JPH3: variants seen among roughly 807,000 people sequenced by gnomAD.
JPH3 encodes the protein junctophilin-3.
JPH3 carries 11 observed loss-of-function variants against 59.6 expected under a neutral mutation model. That is an observed-to-expected ratio of 0.18 (90% confidence interval 0.12 to 0.31). The LOEUF (loss-of-function observed/expected upper bound fraction) is 0.31, where lower values mean the gene tolerates loss of function less well. JPH3 is among the 10% of genes least tolerant of loss of function. JPH3 has a pLI of 1.00. For synonymous variants in JPH3, 673 were observed against 483.6 expected, an observed-to-expected ratio of 1.39 and a Z score of -5.14; for missense variants, 1,202 against 1,105.7, an observed-to-expected ratio of 1.09 and a Z score of -1.24.
chr16:87,606,093 A>G (rs2030509562), intron 1 of JPH3, among the ~76,000 whole-genome samples: 1 of 152,150 alleles, frequency 6.6e-6, no homozygotes, highest in Non-Finnish European at 1.5e-5. Flanking sequence ...CCATGGAAGG[A>G]GCCTGCAGGG....
intron 3 of JPH3, among the ~76,000 whole-genome samples, chr16:87,687,500 C>T (rs2033446518): frequency 6.6e-6 from 1 of 152,202 alleles, no homozygotes; most frequent in Non-Finnish European, 1.5e-5. Flanking sequence ...CACGTGAAGG[C>T]AGGACCATGA....
At chr16:87,684,314 G>C in intron 3 of JPH3, 48 bp downstream of exon 3, 1 of 1,602,916 alleles carries the variant, frequency 6.2e-7, no homozygotes, top group Non-Finnish European at 8.5e-7. Context: ...GGGGGTGCGT[G>C]GATGGCTGGG....
At chr16:87,670,722 T>C (rs1057046535) in intron 2 of JPH3, among the ~76,000 whole-genome samples, 4 of 152,160 alleles carry the variant, frequency 2.6e-5, no homozygotes, top group African/African-American at 7.2e-5. Flanking sequence ...CGGAAGTACA[T>C]TGATGTGTCA....
intron 2 of JPH3, among the ~76,000 whole-genome samples, chr16:87,678,213 C>T (rs750601642): frequency 2.6e-5 from 4 of 151,620 alleles, no homozygotes; most frequent in Non-Finnish European, 4.4e-5. Context: ...TGCACTCCAG[C>T]CTGGGTGACA....
intron 2 of JPH3, among the ~76,000 whole-genome samples, chr16:87,681,615 G>T (rs1236038351): frequency 3.5e-5 from 5 of 144,682 alleles, no homozygotes; most frequent in Admixed American, 1.4e-4. Context: ...ACAGTGCCGG[G>T]AGGTCAGGTG....
At chr16:87,621,449 G>A (rs2031182272) in intron 1 of JPH3, among the ~76,000 whole-genome samples, 2 of 152,248 alleles carry the variant, frequency 1.3e-5, no homozygotes, top group South Asian at 4.1e-4. Flanking sequence ...CAAGGCCACA[G>A]GACTGGGCCT....
chr16:87,620,805 C>T (rs2031158075), intron 1 of JPH3, among the ~76,000 whole-genome samples: 2 of 152,232 alleles, frequency 1.3e-5, no homozygotes, highest in Admixed American at 6.5e-5. Flanking sequence ...CCTCCCTGCC[C>T]GCCTGCCTCA....
intron 1 of JPH3, among the ~76,000 whole-genome samples, chr16:87,622,404 G>A (rs575859234): frequency 3.9e-5 from 6 of 152,194 alleles, no homozygotes; most frequent in African/African-American, 9.7e-5. Flanking sequence ...GACCTTTGGC[G>A]GTGGGAGGGT....
intron 2 of JPH3, among the ~76,000 whole-genome samples, chr16:87,670,836 G>A (rs1264729655): frequency 1.3e-5 from 2 of 151,804 alleles, no homozygotes; most frequent in African/African-American, 2.4e-5. Context: ...AGAGATCCAG[G>A]GGCTCTGGCA....
chr16:87,604,377 G>T, intron 1 of JPH3: 1 of 1,435,390 alleles, frequency 7.0e-7, no homozygotes, highest in Non-Finnish European at 9.2e-7. Flanking sequence ...GCAGCTGCCC[G>T]CCTGCCTGGA....
chr16:87,671,224 G>A (rs1464017407), intron 2 of JPH3, among the ~76,000 whole-genome samples: 1 of 152,166 alleles, frequency 6.6e-6, no homozygotes, highest in Admixed American at 6.5e-5. Flanking sequence ...TCGACTCCTA[G>A]CATGCTCTCA....
intron 1 of JPH3, among the ~76,000 whole-genome samples, chr16:87,638,827 C>A (rs1204730767): frequency 6.6e-6 from 1 of 152,202 alleles, no homozygotes; most frequent in African/African-American, 2.4e-5. Flanking sequence ...CCCAGTCCCC[C>A]TTCCTGACCC....
chr16:87,652,912 G>A (rs2032370912), intron 2 of JPH3, among the ~76,000 whole-genome samples: 1 of 152,256 alleles, frequency 6.6e-6, no homozygotes, highest in Non-Finnish European at 1.5e-5. Flanking sequence ...TACAGACACA[G>A]CTAATTGGTG....
chr16:87,605,125 C>T (rs1597230244), intron 1 of JPH3, among the ~76,000 whole-genome samples: 1 of 152,196 alleles, frequency 6.6e-6, no homozygotes, highest in East Asian at 1.9e-4. Flanking sequence ...GGCCAGGAGG[C>T]TCTGCAGACC....
intron 1 of JPH3, among the ~76,000 whole-genome samples, chr16:87,621,644 C>G (rs74994358): frequency 0.018 from 2,775 of 152,310 alleles, 87 homozygotes; most frequent in African/African-American, 0.064. Flanking sequence ...GGCAGCCAAG[C>G]CCCCGGAAGG....
intron 2 of JPH3, among the ~76,000 whole-genome samples, chr16:87,659,387 G>GAAAAAAAAAAAAAAAAAAA (rs751075403): frequency 1.5e-5 from 1 of 68,588 alleles, no homozygotes; most frequent in Non-Finnish European, 3.0e-5. Flanking sequence ...AAAAAAAAAA[G>GAAAAAAAAAAAAAAAAAAA]AAAAAAAAAA....
chr16:87,664,124 G>A (rs1486132125), intron 2 of JPH3, among the ~76,000 whole-genome samples: 2 of 151,988 alleles, frequency 1.3e-5, no homozygotes, highest in Admixed American at 1.3e-4. Flanking sequence ...GAGGTCAGCA[G>A]ATTGATAGCA....
intron 1 of JPH3, among the ~76,000 whole-genome samples, chr16:87,638,728 G>A (rs1302898190): frequency 6.6e-6 from 1 of 152,146 alleles, no homozygotes; most frequent in Non-Finnish European, 1.5e-5. Context: ...CTGTAGAGAG[G>A]CTTCTCTGCT....
intron 2 of JPH3, among the ~76,000 whole-genome samples, chr16:87,648,360 G>A (rs936038730): frequency 2.0e-5 from 3 of 152,202 alleles, no homozygotes; most frequent in Non-Finnish European, 4.4e-5. Context: ...GCATGAGAGC[G>A]GCCGCACCAC....
Sources: gnomAD v4.1 joint callset for allele counts (sites outside exome capture counted in the v4.1 genomes callset) on GRCh38, gnomAD v4.1.1 for gene constraint, MANE v1.5 for transcripts, NCBI Gene and HGNC (gene_info 2026-07-23, HGNC 2026-07-21) for gene names.